The following RAB6B variants were observed in gnomAD, a reference collection of about 807,000 sequenced individuals.
RAB6B encodes the protein ras-related protein Rab-6B.
A neutral mutation model predicts 31.2 loss-of-function variants in RAB6B; 7 were observed. The ratio of observed to expected loss-of-function variants is 0.22; its 90% CI spans 0.13 to 0.42. The LOEUF (loss-of-function observed/expected upper bound fraction) is 0.42. Among genes scored for constraint, RAB6B ranks in the 10% least tolerant of loss-of-function variants. RAB6B has a pLI of 1.00. For synonymous variants in RAB6B, 105 were observed against 104.9 expected (o/e 1.00, Z -0.01); for missense variants, 149 against 280.6 (o/e 0.53, Z 3.35).
chr3:133,870,308 C>T (rs1936299733), intron 1 of RAB6B, among the ~76,000 whole-genome samples: 1 of 152,150 alleles, frequency 6.6e-6, no homozygotes, highest in African/African-American at 2.4e-5. Flanking sequence ...ATGGGGGAAA[C>T]CGCCCCCATG....
intron 2 of RAB6B, among the ~76,000 whole-genome samples, chr3:133,851,191 C>T (rs1437502917): frequency 6.6e-6 from 1 of 152,184 alleles, no homozygotes; most frequent in Non-Finnish European, 1.5e-5. Context: ...GGAAAATATA[C>T]TAATGGAAAC....
intron 1 of RAB6B, among the ~76,000 whole-genome samples, chr3:133,880,351 G>A (rs1053740899): frequency 2.9e-4 from 44 of 152,342 alleles, no homozygotes; most frequent in Admixed American, 2.6e-3. Flanking sequence ...TATTGAGAGC[G>A]AAACTTGTGT....
intron 6 of RAB6B, among the ~76,000 whole-genome samples, chr3:133,836,455 C>G (rs1008200765): frequency 7.6e-6 from 1 of 132,414 alleles, no homozygotes; most frequent in Non-Finnish European, 1.7e-5. Context: ...GATATGCTCA[C>G]ATTTAGATCC....
intron 2 of RAB6B, among the ~76,000 whole-genome samples, chr3:133,841,968 C>T (rs73861232): frequency 0.018 from 2,795 of 152,282 alleles, 78 homozygotes; most frequent in African/African-American, 0.064. Context: ...GCCACTCAGG[C>T]CACTCAACGC....
At chr3:133,829,939 C>G (rs1309195852) in intron 7 of RAB6B, among the ~76,000 whole-genome samples, 1 of 142,792 alleles carries the variant, frequency 7.0e-6, no homozygotes, top group Admixed American at 6.9e-5. Context: ...TACACACATA[C>G]ACATACAACT....
intron 1 of RAB6B, among the ~76,000 whole-genome samples, chr3:133,869,115 G>T (rs891113196): frequency 5.9e-5 from 9 of 152,196 alleles, no homozygotes; most frequent in Non-Finnish European, 1.2e-4. Context: ...GTGGGTGGGG[G>T]TGAAGGGGAA....
chr3:133,843,780 G>A (rs995388187), intron 2 of RAB6B, among the ~76,000 whole-genome samples: 1 of 152,134 alleles, frequency 6.6e-6, no homozygotes, highest in Non-Finnish European at 1.5e-5. Flanking sequence ...GGTCCTCTGT[G>A]GGTAGGGAGT....
At chr3:133,891,540 T>C (rs1045122516) in intron 1 of RAB6B, among the ~76,000 whole-genome samples, 1 of 152,216 alleles carries the variant, frequency 6.6e-6, no homozygotes, top group Admixed American at 6.5e-5. Flanking sequence ...TCTCTCATCA[T>C]GGCTCTCATA....
chr3:133,889,896 C>T (rs770233017), intron 1 of RAB6B, among the ~76,000 whole-genome samples: 1 of 152,150 alleles, frequency 6.6e-6, no homozygotes, highest in Non-Finnish European at 1.5e-5. Flanking sequence ...AGTTCTCTTG[C>T]TATGCATCAT....
chr3:133,847,877 T>C (rs912856380), intron 2 of RAB6B, among the ~76,000 whole-genome samples: 68 of 152,356 alleles, frequency 4.5e-4, no homozygotes, highest in African/African-American at 1.3e-3. Flanking sequence ...GCCTCTCTAA[T>C]TGCGGTTCCT....
intron 7 of RAB6B, 65 bp downstream of exon 7, chr3:133,834,510 A>G (rs1935703541): frequency 1.3e-6 from 2 of 1,511,480 alleles, no homozygotes; most frequent in Non-Finnish European, 9.2e-7. Context: ...CCACTGCACT[A>G]ACATATTCAG....
chr3:133,846,705 T>C (rs1296665619), intron 2 of RAB6B, among the ~76,000 whole-genome samples: 1 of 152,056 alleles, frequency 6.6e-6, no homozygotes, highest in Non-Finnish European at 1.5e-5. Flanking sequence ...AACAACACAT[T>C]ACATACAAGG....
intron 2 of RAB6B, among the ~76,000 whole-genome samples, chr3:133,855,729 A>T (rs1227922558): frequency 6.6e-6 from 1 of 152,212 alleles, no homozygotes; most frequent in Non-Finnish European, 1.5e-5. Flanking sequence ...AGGAGAGATT[A>T]CTAAAGCCTG....
rs559212190 is a variant in RAB6B, at chr3:133,834,611, C to T, written c.526G>A (p.Gly176Arg). Residue 176 changes from glycine (G) to arginine (R), a missense_variant, in exon 7 of 8, where the codon GGA (glycine) becomes AGA (arginine). Coordinates refer to ENST00000285208, the MANE Select transcript of RAB6B (RefSeq NM_016577.4). Reference protein sequence around the residue: ...LFRRVASALPGMENVQEKSKE... With the variant: ...LFRRVASALPRMENVQEKSKE... ...CTTTTCTCCTGGACATTCTCCATTC[C>T]GGGTAGAGCCGACGCCACACGTCGA... is the stretch of plus-strand genomic sequence containing the variant. 5 of 1,614,120 alleles carry T rather than the reference C, an allele frequency of 3.1e-6. No individual in the cohort carries two copies. Among genetic ancestry groups the T allele is most frequent in the East Asian group, 4.5e-5 (2 of 44,882 alleles).
At chr3:133,886,548 C>G (rs1474135190) in intron 1 of RAB6B, among the ~76,000 whole-genome samples, 1 of 152,176 alleles carries the variant, frequency 6.6e-6, no homozygotes, top group East Asian at 1.9e-4. Context: ...GCCAGCCTGT[C>G]TCTGAGCAGG....
At chr3:133,840,082 G>A (rs1395774916) in intron 4 of RAB6B, among the ~76,000 whole-genome samples, 1 of 151,916 alleles carries the variant, frequency 6.6e-6, no homozygotes, top group Non-Finnish European at 1.5e-5. Context: ...GGGAAGGAAG[G>A]GCCCTACTGA....
At chr3:133,858,043 C>T (rs571049801) in intron 2 of RAB6B, among the ~76,000 whole-genome samples, 2 of 152,242 alleles carry the variant, frequency 1.3e-5, no homozygotes, top group African/African-American at 4.8e-5. Flanking sequence ...CCAGGCCTGC[C>T]TCCCACAAAC....
At chr3:133,854,808 G>A (rs17310861) in intron 2 of RAB6B, among the ~76,000 whole-genome samples, 1,901 of 152,296 alleles carry the variant, frequency 0.012, 28 homozygotes, top group South Asian at 0.036. Flanking sequence ...AGCTGATCCC[G>A]GAGGAAAGAG....
chr3:133,852,301 C>G (rs948073200), intron 2 of RAB6B, among the ~76,000 whole-genome samples: 5 of 152,104 alleles, frequency 3.3e-5, no homozygotes, highest in African/African-American at 1.2e-4. Context: ...AGCAAGTAAG[C>G]CAGATTATGC....
Sources: allele counts gnomAD v4.1 joint callset (sites outside exome capture counted in the v4.1 genomes callset), GRCh38; gene constraint gnomAD v4.1.1; transcripts MANE v1.5; gene names NCBI Gene and HGNC (gene_info 2026-07-23, HGNC 2026-07-21).